Variants in C1GALT1 observed in about 807,000 individuals in gnomAD.
C1GALT1 encodes core 1 synthase, glycoprotein-N-acetylgalactosamine 3-beta-galactosyltransferase 1.
A neutral mutation model predicts 31.0 loss-of-function variants in C1GALT1; 11 were observed. The ratio of observed to expected loss-of-function variants is 0.36; its 90% CI spans 0.22 to 0.59. The LOEUF is 0.59. Among genes scored for constraint, C1GALT1 ranks in the 20% least tolerant of loss-of-function variants. The probability of loss-of-function intolerance (pLI) is 0.79; values close to 1 mark genes in which losing one functional copy is unlikely to be tolerated. For synonymous variants in C1GALT1, 175 were observed against 143.6 expected (o/e 1.22, Z -1.56); for missense variants, 424 against 425.2 (o/e 1.00, Z 0.03).
intron 1 of C1GALT1, among the ~76,000 whole-genome samples, chr7:7,186,936 G>T (rs1212926777): frequency 6.6e-6 from 1 of 152,186 alleles, no homozygotes; most frequent in Non-Finnish European, 1.5e-5. Context: ...TTAGGAAGAC[G>T]GGAGGGTTTT....
At chr7:7,186,602 A>C (rs1780826059) in intron 1 of C1GALT1, among the ~76,000 whole-genome samples, 1 of 152,216 alleles carries the variant, frequency 6.6e-6, no homozygotes, top group Admixed American at 6.5e-5. Context: ...TAAGTAAAAT[A>C]ATATTTGATA....
rs757548433 is a variant in C1GALT1, at chr7:7,234,333, C to T, written c.14C>T (p.Ser5Phe). The T allele has an allele frequency of 1.2e-6, 2 of 1,613,574 alleles. No homozygotes were observed. The highest frequency in any genetic ancestry group is 3.3e-5 in the Admixed American group (2 of 59,972). MASK[S>F]WLNFLTFLCG... ...CACTTTCGGGAAATGGCCTCTAAAT[C>T]CTGGCTGAATTTTTTAACCTTCCTC... The change falls in exon 2 of 4, where the codon TCC (serine) becomes TTC (phenylalanine). Residue 5 changes from serine to phenylalanine, a missense_variant. Physicochemically the swap from Ser to Phe is radical, Grantham distance 155. Transcript: ENST00000436587.
At chr7:7,181,075 T>G (rs1780573892), upstream of C1GALT1, among the ~76,000 whole-genome samples, 4 of 152,330 alleles carry the variant, frequency 2.6e-5, no homozygotes, top group South Asian at 8.3e-4. Flanking sequence ...TATTCTTTAT[T>G]AATTATAACT....
chr7:7,219,779 C>G (rs1240079072), intron 1 of C1GALT1, among the ~76,000 whole-genome samples: 1 of 151,858 alleles, frequency 6.6e-6, no homozygotes, highest in Non-Finnish European at 1.5e-5. Flanking sequence ...TTTAGTATCA[C>G]TTTTTTTAAG....
intron 1 of C1GALT1, among the ~76,000 whole-genome samples, chr7:7,218,020 A>G (rs917940037): frequency 6.6e-6 from 1 of 152,150 alleles, no homozygotes; most frequent in Admixed American, 6.5e-5. Flanking sequence ...AGCTTTACTG[A>G]TGAGTATATA....
At chr7:7,183,263 C>T (rs1033808237) in intron 1 of C1GALT1, among the ~76,000 whole-genome samples, 3 of 152,166 alleles carry the variant, frequency 2.0e-5, no homozygotes. Flanking sequence ...CTGTGGGTCC[C>T]GCCGGACTGG....
rs537686506 is a variant in C1GALT1 at position 7,206,764 on chromosome 7, T to G, written c.-18+23944T>G. ...AGGATTCATGGTTGGCATTTTTTTT[T>G]TTGTTTTATTATCTTAATTATATTG... On this transcript the variant is annotated intron_variant, in intron 1 of 3. Coordinates refer to ENST00000436587, the MANE Select transcript of C1GALT1 (RefSeq NM_020156.5). 5.9e-5 allele frequency among the ~76,000 whole-genome samples: 9 copies of G among 152,054 alleles called. No individual in the cohort carries two copies. In the East Asian group the frequency reaches 9.7e-4, roughly 16 times the overall value.
chr7:7,227,644 C>G (rs1174154595), intron 1 of C1GALT1, among the ~76,000 whole-genome samples: 1 of 149,056 alleles, frequency 6.7e-6, no homozygotes, highest in South Asian at 2.1e-4. Context: ...GGCGTGAACC[C>G]GGGAGGCGGA....
At chr7:7,219,118 G>C (rs983378655) in intron 1 of C1GALT1, among the ~76,000 whole-genome samples, 35 of 152,268 alleles carry the variant, frequency 2.3e-4, no homozygotes, top group Non-Finnish European at 4.3e-4. Flanking sequence ...GATTACAGGC[G>C]TGAGCCACTG....
At chr7:7,221,733 G>A (rs894380058) in intron 1 of C1GALT1, among the ~76,000 whole-genome samples, 1 of 152,228 alleles carries the variant, frequency 6.6e-6, no homozygotes, top group African/African-American at 2.4e-5. Context: ...AACTGTAGCA[G>A]ATGATGCCAG....
At chr7:7,169,179 T>C (rs1271905164) in intron 2 of C1GALT1, among the ~76,000 whole-genome samples, 1 of 152,248 alleles carries the variant, frequency 6.6e-6, no homozygotes, top group African/African-American at 2.4e-5. Flanking sequence ...TAGTAGCATA[T>C]ATCAAAACTT....
intron 1 of C1GALT1, among the ~76,000 whole-genome samples, chr7:7,194,399 G>T (rs1187817211): frequency 1.3e-5 from 2 of 152,016 alleles, no homozygotes; most frequent in Admixed American, 6.6e-5. Context: ...ACTGGATTTT[G>T]CCAAATGCCT....
chr7:7,216,982 C>T (rs1403191453), intron 1 of C1GALT1, among the ~76,000 whole-genome samples: 1 of 151,852 alleles, frequency 6.6e-6, no homozygotes, highest in Non-Finnish European at 1.5e-5. Flanking sequence ...ACATTAGACA[C>T]ACACACACAC....
chr7:7,164,238 T>C (rs1426427939), intron 2 of C1GALT1, among the ~76,000 whole-genome samples: 2 of 152,184 alleles, frequency 1.3e-5, no homozygotes, highest in African/African-American at 4.8e-5. Flanking sequence ...ATTTAATAAA[T>C]GGTGCTGGGG....
intron 3 of C1GALT1, among the ~76,000 whole-genome samples, chr7:7,242,228 T>A (rs1193004976): frequency 2.8e-5 from 4 of 141,162 alleles, no homozygotes; most frequent in Non-Finnish European, 6.2e-5. Context: ...TTTTTTTTTT[T>A]ACATTTTTTA....
At chr7:7,188,832 G>A (rs1162173063) in intron 1 of C1GALT1, among the ~76,000 whole-genome samples, 21 of 152,122 alleles carry the variant, frequency 1.4e-4, no homozygotes, top group Admixed American at 1.4e-3. Flanking sequence ...AAGTGAAGGG[G>A]TAAATTAAAG....
intron 2 of C1GALT1, among the ~76,000 whole-genome samples, chr7:7,169,230 T>G (rs1045829516): frequency 6.6e-6 from 1 of 152,248 alleles, no homozygotes; most frequent in Non-Finnish European, 1.5e-5. Flanking sequence ...TGTATGTGTA[T>G]AAAATATTTT....
chr7:7,230,559 G>A (rs1783022615), intron 1 of C1GALT1, among the ~76,000 whole-genome samples: 1 of 146,144 alleles, frequency 6.8e-6, no homozygotes, highest in Admixed American at 6.8e-5. Context: ...TCATTGATAT[G>A]TTTGGTTCTA....
At chr7:7,242,516 A>G (rs1783678985) in intron 3 of C1GALT1, among the ~76,000 whole-genome samples, 1 of 152,084 alleles carries the variant, frequency 6.6e-6, no homozygotes, top group South Asian at 2.1e-4. Context: ...TTCAGTCAAT[A>G]TGAATCTTCT....
Sources: allele counts gnomAD v4.1 joint callset (sites outside exome capture counted in the v4.1 genomes callset), GRCh38; gene constraint gnomAD v4.1.1; transcripts MANE v1.5; gene names NCBI Gene and HGNC (gene_info 2026-07-23, HGNC 2026-07-21).